ZMAT3: variants seen among roughly 807,000 people sequenced by gnomAD.
The protein encoded by ZMAT3 is zinc finger matrin-type protein 3.
In ZMAT3, 17 loss-of-function variants were observed where a neutral mutation model predicts 32.3. The observed-to-expected ratio is 0.53, with a 90% CI of 0.36 to 0.79. ZMAT3 has a LOEUF of 0.79. ZMAT3 is among the 30% of genes least tolerant of loss of function. The pLI is 0.00. For synonymous variants in ZMAT3, 120 were observed against 133.1 expected (o/e 0.90, Z 0.68); for missense variants, 329 against 359.7 (o/e 0.91, Z 0.69).
At chr3:179,070,977 C>T (rs1721678526) in intron 1 of ZMAT3, among the ~76,000 whole-genome samples, 1 of 151,998 alleles carries the variant, frequency 6.6e-6, no homozygotes, top group Non-Finnish European at 1.5e-5. Context: ...CCTCAGCAAA[C>T]TAGGTAAGTC....
intron 2 of ZMAT3, among the ~76,000 whole-genome samples, chr3:179,038,899 GGA>G (rs1282956711): frequency 6.6e-6 from 1 of 152,252 alleles, no homozygotes. Context: ...CGGAAAACAA[GGA>G]GATACTCTCC....
intron 2 of ZMAT3, among the ~76,000 whole-genome samples, chr3:179,058,764 AAAAAAAAAAGAAAAAAG>A (rs1224608533): frequency 1.6e-4 from 25 of 151,834 alleles, no homozygotes; most frequent in African/African-American, 6.0e-4. Flanking sequence ...TCAAAAAAAA[AAAAAAAAAAGAAAAAAG>A]AAAAAGGACT....
chr3:179,025,510 A>C (rs1718820482), intron 5 of ZMAT3, among the ~76,000 whole-genome samples: 1 of 152,246 alleles, frequency 6.6e-6, no homozygotes. Flanking sequence ...ACGCTTTTAA[A>C]AATACTTTAA....
rs1300769803 is a variant in ZMAT3, at chr3:179,071,751, GCTGA to G, written c.-218_-215del. The G allele has an allele frequency of 1.3e-5, 2 of 152,882 alleles. No individual in the cohort carries two copies. Among genetic ancestry groups the G allele is most frequent in the Non-Finnish European group, 2.9e-5 (2 of 68,636 alleles). 9.5% of individuals were successfully genotyped at this position (152,882 alleles called of 1,614,324 possible). On this transcript the variant is annotated 5_prime_UTR_variant, in exon 1 of 6. Transcript: ENST00000311417. ...CGCCGAGCCCCCTCCGCAGCCGAAG[GCTGA>G]CTGTCAAAAGTCAGTCCAACCCGAC...
chr3:179,032,151 C>T (rs1168073785), intron 2 of ZMAT3, among the ~76,000 whole-genome samples: 5 of 150,916 alleles, frequency 3.3e-5, no homozygotes, highest in African/African-American at 7.3e-5. Flanking sequence ...TGCAGGTGTG[C>T]GCCGCCACGC....
chr3:179,034,140 C>T (rs1274609447), intron 2 of ZMAT3, among the ~76,000 whole-genome samples: 1 of 152,184 alleles, frequency 6.6e-6, no homozygotes, highest in Non-Finnish European at 1.5e-5. Flanking sequence ...AAACTCAAAC[C>T]TGCAGGCAAA....
chr3:179,035,532 A>G (rs1719537506), intron 2 of ZMAT3, among the ~76,000 whole-genome samples: 1 of 152,160 alleles, frequency 6.6e-6, no homozygotes, highest in Admixed American at 6.5e-5. Context: ...ACACTCCATC[A>G]TATTACCACA....
rs531646033 is a variant in ZMAT3, at chr3:179,023,034, A to G, written c.*1983T>C. On this transcript the variant is annotated 3_prime_UTR_variant, in exon 6 of 6. Coordinates refer to ENST00000311417, the MANE Select transcript of ZMAT3 (RefSeq NM_022470.4). ...GCTTAAAATATAAACTTCCTGATCAAGTGGGCTTTCAAAAGAAATACGGAT... is the reference window on the plus strand; with the variant it reads ...GCTTAAAATATAAACTTCCTGATCAGGTGGGCTTTCAAAAGAAATACGGAT... 1 of 152,330 alleles carries G rather than the reference A, an allele frequency of 6.6e-6. No homozygotes were observed. Among genetic ancestry groups the G allele is most frequent in the South Asian group, 2.1e-4 (1 of 4,834 alleles). The allele number at this position is 152,330 out of a possible 1,614,324, so 9.4% of individuals were successfully genotyped here.
intron 2 of ZMAT3, among the ~76,000 whole-genome samples, chr3:179,037,686 T>G (rs1478904241): frequency 6.6e-6 from 1 of 151,986 alleles, no homozygotes; most frequent in African/African-American, 2.4e-5. Flanking sequence ...TGCCATTTCC[T>G]CCCGCTTGCT....
intron 2 of ZMAT3, among the ~76,000 whole-genome samples, chr3:179,034,047 C>T (rs148544335): frequency 1.8e-4 from 28 of 152,322 alleles, no homozygotes; most frequent in African/African-American, 6.7e-4. Context: ...CTTGAACTGA[C>T]ACAAACTAGT....
chr3:179,063,187 C>T (rs1158377039), intron 2 of ZMAT3, among the ~76,000 whole-genome samples: 2 of 152,184 alleles, frequency 1.3e-5, no homozygotes, highest in Non-Finnish European at 2.9e-5. Flanking sequence ...CATTCTCAGT[C>T]CACTGCAAGT....
intron 2 of ZMAT3, among the ~76,000 whole-genome samples, chr3:179,050,153 C>CA (rs1258024212): frequency 1.1e-4 from 16 of 150,116 alleles, no homozygotes; most frequent in South Asian, 6.3e-4. Context: ...GAAATTGAAA[C>CA]AAAAAAAATA....
At chr3:179,036,765 A>C (rs1337287778) in intron 2 of ZMAT3, among the ~76,000 whole-genome samples, 1 of 152,144 alleles carries the variant, frequency 6.6e-6, no homozygotes. Context: ...GAGACAGACA[A>C]ATTCCTAGGC....
intron 3 of ZMAT3, among the ~76,000 whole-genome samples, chr3:179,030,488 G>A (rs1488885620): frequency 1.3e-5 from 2 of 151,820 alleles, no homozygotes; most frequent in Non-Finnish European, 2.9e-5. Context: ...CCGAGCAGCT[G>A]GGACTACAGG....
chr3:179,061,199 G>A (rs1310365809), intron 2 of ZMAT3, among the ~76,000 whole-genome samples: 2 of 152,264 alleles, frequency 1.3e-5, no homozygotes, highest in South Asian at 2.1e-4. Flanking sequence ...TAAGTCCAAA[G>A]CTGACAAAGC....
chr3:179,042,894 T>C (rs1366519578), intron 2 of ZMAT3, among the ~76,000 whole-genome samples: 1 of 152,156 alleles, frequency 6.6e-6, no homozygotes, highest in Non-Finnish European at 1.5e-5. Context: ...ACAAAATCAA[T>C]GTGCAAAAAT....
At chr3:179,038,879 T>A (rs1719749708) in intron 2 of ZMAT3, among the ~76,000 whole-genome samples, 2 of 152,156 alleles carry the variant, frequency 1.3e-5, no homozygotes, top group South Asian at 4.1e-4. Context: ...TTTCCCAAGG[T>A]CTTAGCAACC....
At chr3:179,059,340 C>T (rs923891274) in intron 2 of ZMAT3, among the ~76,000 whole-genome samples, 1 of 152,172 alleles carries the variant, frequency 6.6e-6, no homozygotes, top group Non-Finnish European at 1.5e-5. Flanking sequence ...AGGAAAAATA[C>T]TTTTGCCTGC....
chr3:179,042,660 G>A (rs1004794448), intron 2 of ZMAT3, among the ~76,000 whole-genome samples: 10 of 152,168 alleles, frequency 6.6e-5, no homozygotes, highest in African/African-American at 2.4e-4. Flanking sequence ...TTGAAAACTG[G>A]CACAAGACAA....
Sources: allele counts gnomAD v4.1 joint callset (sites outside exome capture counted in the v4.1 genomes callset), GRCh38; gene constraint gnomAD v4.1.1; transcripts MANE v1.5; gene names NCBI Gene and HGNC (gene_info 2026-07-23, HGNC 2026-07-21).